Variants in RASA3 observed in about 807,000 individuals in gnomAD.
RASA3 encodes the protein RAS p21 protein activator 3, also known as ras GTPase-activating protein 3.
A neutral mutation model predicts 110.0 loss-of-function variants in RASA3; 73 were observed. That is an observed-to-expected ratio of 0.66 (90% CI 0.55 to 0.81). The LOEUF is 0.81. RASA3 is among the 30% of genes least tolerant of loss of function. RASA3 has a pLI of 0.00. For missense variants in RASA3, 976 were observed against 1,113.2 expected, an observed-to-expected ratio of 0.88 and a Z score of 1.75; for synonymous variants, 500 against 451.4, an observed-to-expected ratio of 1.11 and a Z score of -1.37.
At position 114,007,550 on chromosome 13, in the gene RASA3, G is replaced by C; in HGVS notation, c.1725C>G (p.Pro575=). 1.2e-6 allele frequency: 2 copies of C among 1,613,290 alleles called. No individual in the cohort carries two copies. The highest frequency in any genetic ancestry group is 1.7e-6 in the Non-Finnish European group (2 of 1,179,610). ...GRRDPKSVEQ[P]IVLKEGFMIK... is the part of the protein sequence containing the mutation. ...CTCCTTACCCTTCTTTAAGCACGATGGGCTGCTCAACACTCTTGGGGTCTC... is the reference window on the plus strand; with the variant it reads ...CTCCTTACCCTTCTTTAAGCACGATCGGCTGCTCAACACTCTTGGGGTCTC... The change falls in exon 18 of 24, where the codon CCC becomes CCG. Residue 575 remains proline (P), a synonymous_variant. Transcript: ENST00000334062.
At chr13:114,022,044 G>A (rs920141529) in intron 8 of RASA3, among the ~76,000 whole-genome samples, 13 of 152,162 alleles carry the variant, frequency 8.5e-5, no homozygotes, top group Non-Finnish European at 1.9e-4. Flanking sequence ...GTCTGTGCAC[G>A]GCGGGCAAAT....
chr13:114,095,596 CTTGT>C (rs2079931455), intron 1 of RASA3, among the ~76,000 whole-genome samples: 1 of 152,126 alleles, frequency 6.6e-6, no homozygotes, highest in South Asian at 2.1e-4. Context: ...TTAATGGAGA[CTTGT>C]TTATGTCATG....
intron 1 of RASA3, among the ~76,000 whole-genome samples, chr13:114,104,253 CACGGCCACGGACA>C (rs2080102494): frequency 9.4e-6 from 1 of 106,714 alleles, no homozygotes. Flanking sequence ...TCCACACTGC[CACGGCCACGGACA>C]CCCACCCCTG....
At chr13:114,039,561 C>T (rs372207324) in intron 4 of RASA3, among the ~76,000 whole-genome samples, 2 of 152,252 alleles carry the variant, frequency 1.3e-5, no homozygotes, top group African/African-American at 4.8e-5. Context: ...AACCCTCCCA[C>T]GTCCCAGGGT....
intron 22 of RASA3, among the ~76,000 whole-genome samples, chr13:113,990,536 G>A (rs2053084033): frequency 6.6e-6 from 1 of 152,226 alleles, no homozygotes; most frequent in Non-Finnish European, 1.5e-5. Flanking sequence ...TTCCTGCTAT[G>A]AGAGGGCTGG....
intron 2 of RASA3, among the ~76,000 whole-genome samples, chr13:114,058,387 G>A (rs1029914605): frequency 3.9e-5 from 6 of 152,206 alleles, no homozygotes; most frequent in South Asian, 2.1e-4. Context: ...GACCTCTCCC[G>A]AACCTGGATT....
chr13:114,021,681 G>A (rs1458804096), intron 8 of RASA3, among the ~76,000 whole-genome samples, 173 bp from the exon 9 acceptor site: 3 of 152,202 alleles, frequency 2.0e-5, no homozygotes, highest in Non-Finnish European at 4.4e-5. Context: ...ACCAGCCTGT[G>A]GCTTTGGAAT....
At position 114,041,098 on chromosome 13, in the gene RASA3, C is replaced by T. The variant is rs1193786488; in HGVS notation, c.278-4G>A. The stretch of plus-strand genomic sequence containing the variant: ...TCCTTCTGGATGGCCACCTTCCCTG[C>T]AACACAAGCAGAGAAGACTTCACCA... On this transcript the variant is annotated splice_polypyrimidine_tract_variant and splice_region_variant and intron_variant, in intron 3 of 23. Transcript: ENST00000334062. 6.2e-7 allele frequency: 1 copy of T among 1,613,370 alleles called. No homozygotes were observed. Among genetic ancestry groups the T allele is most frequent in the Admixed American group, 1.7e-5 (1 of 60,032 alleles).
intron 1 of RASA3, among the ~76,000 whole-genome samples, chr13:114,117,132 T>C (rs1215388267): frequency 1.0e-4 from 12 of 120,176 alleles, no homozygotes; most frequent in Non-Finnish European, 1.7e-4. Context: ...GGGATGCATG[T>C]GTGTGAGGAG....
intron 2 of RASA3, among the ~76,000 whole-genome samples, chr13:114,060,862 G>T (rs564992283): frequency 6.6e-6 from 1 of 152,168 alleles, no homozygotes; most frequent in East Asian, 1.9e-4. Context: ...CCCTCGGGAA[G>T]ACCCCAGCCA....
chr13:114,088,271 A>C (rs1329066429), intron 1 of RASA3, among the ~76,000 whole-genome samples: 1 of 152,242 alleles, frequency 6.6e-6, no homozygotes, highest in Non-Finnish European at 1.5e-5. Flanking sequence ...GACTTAAAAA[A>C]TTCTGCTGTG....
intron 1 of RASA3, among the ~76,000 whole-genome samples, chr13:114,128,837 G>A (rs750002639): frequency 2.0e-5 from 3 of 152,210 alleles, no homozygotes; most frequent in African/African-American, 4.8e-5. Context: ...GGCCTCCCAC[G>A]GACGGCATTC....
chr13:114,116,229 C>G (rs939437761), intron 1 of RASA3, among the ~76,000 whole-genome samples: 3 of 152,208 alleles, frequency 2.0e-5, no homozygotes, highest in Non-Finnish European at 4.4e-5. Flanking sequence ...CCCCTCCCCT[C>G]GGGCCAGGCC....
intron 1 of RASA3, among the ~76,000 whole-genome samples, chr13:114,103,094 G>A (rs895106768): frequency 7.3e-5 from 11 of 151,464 alleles, no homozygotes; most frequent in South Asian, 2.1e-4. Context: ...TGTGGCTGTC[G>A]TGGAGGTGGC....
chr13:113,982,390 A>T (rs145728556), intron 22 of RASA3, among the ~76,000 whole-genome samples: 1 of 152,334 alleles, frequency 6.6e-6, no homozygotes, highest in East Asian at 1.9e-4. Flanking sequence ...CAGGGCGGAC[A>T]CCAGTCTGTG....
At chr13:114,101,161 AACCTCTCTGCACTTCT>A (rs2080056069) in intron 1 of RASA3, among the ~76,000 whole-genome samples, 1 of 152,182 alleles carries the variant, frequency 6.6e-6, no homozygotes, top group Non-Finnish European at 1.5e-5. Flanking sequence ...GCAGCCACCA[AACCTCTCTGCACTTCT>A]GTTACAGACA....
chr13:114,046,858 C>CG (rs1469988441), intron 3 of RASA3, among the ~76,000 whole-genome samples: 32 of 152,176 alleles, frequency 2.1e-4, no homozygotes, highest in Non-Finnish European at 3.4e-4. Flanking sequence ...CCAAGGGTGC[C>CG]GGAACAAAGG....
chr13:114,024,382 T>C (rs746724482), intron 7 of RASA3, 27 bp from the exon 8 acceptor site: 4 of 1,609,312 alleles, frequency 2.5e-6, no homozygotes, highest in Non-Finnish European at 8.5e-7. Flanking sequence ...GAGAAAGCGC[T>C]GAGACCGCGG....
intron 12 of RASA3, 118 bp from the exon 13 acceptor site, chr13:114,016,389 C>G: frequency 1.3e-6 from 1 of 796,194 alleles, no homozygotes; most frequent in Non-Finnish European, 2.2e-6. Flanking sequence ...CAGAAAATGC[C>G]ACGACAGCTC....
Sources: gnomAD v4.1 joint callset for allele counts (sites outside exome capture counted in the v4.1 genomes callset) on GRCh38, gnomAD v4.1.1 for gene constraint, MANE v1.5 for transcripts, NCBI Gene and HGNC (gene_info 2026-07-23, HGNC 2026-07-21) for gene names.